The following PKN2 variants were observed in gnomAD, a reference collection of about 807,000 sequenced individuals.
PKN2 encodes protein kinase N2, also known as serine/threonine-protein kinase N2.
In PKN2, 38 loss-of-function variants were observed where a neutral mutation model predicts 119.1. The observed-to-expected ratio is 0.32, with a 90% CI of 0.25 to 0.42. PKN2 has a LOEUF of 0.42. Among genes scored for constraint, PKN2 ranks in the 10% least tolerant of loss-of-function variants. PKN2 has a pLI of 1.00. For missense variants in PKN2, 850 were observed against 1,165.1 expected, an observed-to-expected ratio of 0.73 and a Z score of 3.94; for synonymous variants, 390 against 384.9, an observed-to-expected ratio of 1.01 and a Z score of -0.15.
chr1:88,772,283 G>C (rs1264624223), intron 6 of PKN2, among the ~76,000 whole-genome samples: 1 of 152,090 alleles, frequency 6.6e-6, no homozygotes, highest in Non-Finnish European at 1.5e-5. Flanking sequence ...TTAGCATATT[G>C]TTGTCAAGGT....
At chr1:88,823,190 A>T (rs543804153) in intron 17 of PKN2, among the ~76,000 whole-genome samples, 1 of 152,326 alleles carries the variant, frequency 6.6e-6, no homozygotes, top group Non-Finnish European at 1.5e-5. Flanking sequence ...ACTGCACTCC[A>T]CTTAGACAAC....
At chr1:88,789,368 T>C (rs141677297) in intron 8 of PKN2, among the ~76,000 whole-genome samples, 299 of 152,106 alleles carry the variant, frequency 2.0e-3, no homozygotes, top group Non-Finnish European at 3.6e-3. Flanking sequence ...AGTCACAAGA[T>C]TATAAGAAGT....
At chr1:88,777,111 T>G (rs577830864) in intron 6 of PKN2, among the ~76,000 whole-genome samples, 5 of 152,312 alleles carry the variant, frequency 3.3e-5, no homozygotes, top group African/African-American at 1.2e-4. Context: ...CTTTCTGCTC[T>G]TAAGACTAGA....
At chr1:88,822,651 T>C (rs1672343621) in intron 17 of PKN2, among the ~76,000 whole-genome samples, 1 of 150,314 alleles carries the variant, frequency 6.7e-6, no homozygotes, top group Non-Finnish European at 1.5e-5. Flanking sequence ...CAATCTCGGC[T>C]CATGGCAACC....
intron 4 of PKN2, among the ~76,000 whole-genome samples, chr1:88,770,967 G>C (rs1232065155): frequency 6.6e-6 from 1 of 150,572 alleles, no homozygotes; most frequent in Non-Finnish European, 1.5e-5. Context: ...GTTTCAAGAA[G>C]ATATTGATCT....
At chr1:88,753,755 T>C (rs1206631089) in intron 2 of PKN2, among the ~76,000 whole-genome samples, 1 of 151,412 alleles carries the variant, frequency 6.6e-6, no homozygotes, top group Non-Finnish European at 1.5e-5. Flanking sequence ...AAGGGGATGG[T>C]ACTAAACCGC....
Position 88,760,323 on chromosome 1 carries a change from G to A in PKN2, c.451G>A (p.Val151Ile), listed in dbSNP as rs1669392663. ...AAAACAATTGGATATAGAACTTAAA[G>A]TAAAACAAGGTGCAGAGAATATGAT... ...LQKQLDIELK[V>I]KQGAENMIQM... is the part of the protein sequence containing the mutation. Residue 151 changes from valine (V) to isoleucine (I), a missense_variant, in exon 3 of 22, where the codon GTA becomes ATA. By Grantham distance (29) the Val-to-Ile change is conservative (BLOSUM62 3). Transcript: ENST00000370521. 1.3e-6 allele frequency: 2 copies of A among 1,571,084 alleles called. No homozygotes were observed. Among genetic ancestry groups the A allele is most frequent in the Admixed American group, 1.7e-5 (1 of 59,330 alleles).
chr1:88,833,507 C>A lies in PKN2; in HGVS notation c.*59C>A. On this transcript the variant is annotated 3_prime_UTR_variant, in exon 22 of 22. Coordinates refer to ENST00000370521, the MANE Select transcript of PKN2 (RefSeq NM_006256.4). Reference sequence around the variant, plus strand: ...AAGAAGACCTCTTAAAAATAGCAACCCTTCATTTGCTCTCTGTGCCACCAA... The same window carrying A: ...AAGAAGACCTCTTAAAAATAGCAACACTTCATTTGCTCTCTGTGCCACCAA... 7.7e-7 allele frequency: 1 copy of A among 1,300,254 alleles called. No homozygotes were observed. The highest frequency in any genetic ancestry group is 1.1e-6 in the Non-Finnish European group (1 of 903,790). The allele number at this position is 1,300,254 out of a possible 1,614,324, so 80.5% of individuals were successfully genotyped here.
At chr1:88,759,842 C>T (rs1184000608) in intron 2 of PKN2, among the ~76,000 whole-genome samples, 1 of 152,048 alleles carries the variant, frequency 6.6e-6, no homozygotes, top group Non-Finnish European at 1.5e-5. Flanking sequence ...CTGAACTGAC[C>T]AAAAACAAGC....
At chr1:88,788,677 T>C (rs1014210071) in intron 8 of PKN2, among the ~76,000 whole-genome samples, 1 of 152,136 alleles carries the variant, frequency 6.6e-6, no homozygotes, top group Non-Finnish European at 1.5e-5. Context: ...ACTCCCAACC[T>C]CAGGTAATCC....
At chr1:88,786,454 A>T (rs1208231793) in intron 8 of PKN2, among the ~76,000 whole-genome samples, 1 of 152,192 alleles carries the variant, frequency 6.6e-6, no homozygotes, top group Non-Finnish European at 1.5e-5. Context: ...ATTCATAGCA[A>T]ACTTAAAGAT....
At chr1:88,690,357 G>A (rs115336158) in intron 1 of PKN2, among the ~76,000 whole-genome samples, 2 of 152,274 alleles carry the variant, frequency 1.3e-5, no homozygotes, top group Non-Finnish European at 2.9e-5. Flanking sequence ...ACCATAAATG[G>A]TATTTGAATA....
At chr1:88,701,468 CT>C (rs1666766226) in intron 1 of PKN2, among the ~76,000 whole-genome samples, 1 of 152,118 alleles carries the variant, frequency 6.6e-6, no homozygotes, top group Non-Finnish European at 1.5e-5. Flanking sequence ...TTTCTGGTTG[CT>C]CAATATGAGA....
rs1194153703 is a variant in PKN2, at chr1:88,835,554, TA to T, written c.*2110del. On this transcript the variant is annotated 3_prime_UTR_variant, in exon 22 of 22. Transcript: ENST00000370521. Reference sequence around the variant, plus strand: ...AAGAAAGCACTAATTTTTTGTAGTTTAAAATATATATATATTTTAGTCAGAT... The same window carrying T: ...AAGAAAGCACTAATTTTTTGTAGTTTAAATATATATATATTTTAGTCAGAT... The T allele has an allele frequency of 3.3e-5, 5 of 152,428 alleles. No homozygotes were observed. Among genetic ancestry groups the T allele is most frequent in the African/African-American group, 1.2e-4 (5 of 41,450 alleles). The allele number at this position is 152,428 out of a possible 1,614,324, so 9.4% of individuals were successfully genotyped here.
At position 88,805,454 on chromosome 1, in the gene PKN2, TAAAG is replaced by T. The variant is rs758512172; in HGVS notation, c.1502-39_1502-36del. 3.3e-5 allele frequency: 48 copies of T among 1,473,156 alleles called. No individual in the cohort carries two copies. In the South Asian group the frequency reaches 3.3e-4, roughly 10 times the overall value. The allele number at this position is 1,473,156 out of a possible 1,614,324, so 91.3% of individuals were successfully genotyped here. On this transcript the variant is annotated intron_variant, in intron 10 of 21. Transcript: ENST00000370521. ...TTAAATTATGACTTTTGGTTATACA[TAAAG>T]AAATTACTTGCTGTTTTTGTTTTTT...
rs527950343 is a variant in PKN2 at position 88,769,244 on chromosome 1, C to T, written c.505-1108C>T. Among the ~76,000 whole-genome samples, 29 of 152,270 alleles carry T rather than the reference C, an allele frequency of 1.9e-4. No homozygotes were observed. In the South Asian group the frequency reaches 5.6e-3, roughly 29 times the overall value. On this transcript the variant is annotated intron_variant, in intron 3 of 21. Coordinates refer to ENST00000370521, the MANE Select transcript of PKN2 (RefSeq NM_006256.4). ...AAGATATAACAGAAGTGTTCTCCAG[C>T]TTTATTAAGAAGGTCTCATTTTTTG...
In PKN2 at chr1:88,822,992, G is replaced by A. The variant is rs971633929; in HGVS notation, c.2342+989G>A. Among the ~76,000 whole-genome samples, 3 of 152,148 alleles carry A rather than the reference G, an allele frequency of 2.0e-5. No individual in the cohort carries two copies. In the East Asian group the frequency reaches 5.8e-4, roughly 29 times the overall value. On this transcript the variant is annotated intron_variant, in intron 17 of 21. Coordinates refer to ENST00000370521, the MANE Select transcript of PKN2 (RefSeq NM_006256.4). ...CCAGCATTTGGGGAGGCCAAGGTGG[G>A]AGGATTGCTTCAGTCTAGGAGTTTG...
chr1:88,728,015 G>T (rs992864218), intron 1 of PKN2, among the ~76,000 whole-genome samples: 7 of 106,250 alleles, frequency 6.6e-5, no homozygotes, highest in Non-Finnish European at 1.2e-4. Flanking sequence ...TTTTCTTGGG[G>T]CTTTTTTTTT....
At position 88,684,682 on chromosome 1, in the gene PKN2, C is replaced by G. The variant is rs991369616; in HGVS notation, c.48+54C>G. The G allele has an allele frequency of 4.9e-6, 7 of 1,427,712 alleles. No homozygotes were observed. In the East Asian group the frequency reaches 2.1e-4, roughly 42 times the overall value. 88.4% of individuals were successfully genotyped at this position (1,427,712 alleles called of 1,614,324 possible). On this transcript the variant is annotated intron_variant, in intron 1 of 21. Coordinates refer to ENST00000370521, the MANE Select transcript of PKN2 (RefSeq NM_006256.4). ...CTGGCGGAGGAGACAGGGAGAGAGCCCCGCGCGGCGTCGGGGACCGAGGAA... is the reference window on the plus strand; with the variant it reads ...CTGGCGGAGGAGACAGGGAGAGAGCGCCGCGCGGCGTCGGGGACCGAGGAA...
Sources: gnomAD v4.1 joint callset for allele counts (sites outside exome capture counted in the v4.1 genomes callset) on GRCh38, gnomAD v4.1.1 for gene constraint, MANE v1.5 for transcripts, NCBI Gene and HGNC (gene_info 2026-07-23, HGNC 2026-07-21) for gene names.